SLC13A4: variants seen among roughly 807,000 people sequenced by gnomAD.
SLC13A4 encodes Na(+)/sulfate cotransporter SUT-1.
In SLC13A4, 28 loss-of-function variants were observed where a neutral mutation model predicts 72.7. The observed-to-expected ratio is 0.39, with a 90% CI of 0.29 to 0.53. SLC13A4 has a LOEUF of 0.53. SLC13A4 is among the 20% of genes least tolerant of loss of function. The probability of loss-of-function intolerance (pLI) is 0.78; values close to 1 mark genes in which losing one functional copy is unlikely to be tolerated. For synonymous variants in SLC13A4, 312 were observed against 325.5 expected (o/e 0.96, Z 0.45); for missense variants, 653 against 788.0 (o/e 0.83, Z 2.05).
At chr7:135,685,747 G>A (rs947332300) in intron 13 of SLC13A4, 64 bp from the exon 14 acceptor site, 1 of 1,460,168 alleles carries the variant, frequency 6.8e-7, no homozygotes, top group Non-Finnish European at 9.5e-7. Flanking sequence ...AGAGATCTTA[G>A]ACTTCAGAAG....
At chr7:135,712,099 C>T (rs1331246836) in intron 2 of SLC13A4, among the ~76,000 whole-genome samples, 12 of 145,976 alleles carry the variant, frequency 8.2e-5, no homozygotes, top group African/African-American at 2.8e-4. Flanking sequence ...GCTGGGATTA[C>T]AGGCATGAAC....
intron 7 of SLC13A4, among the ~76,000 whole-genome samples, chr7:135,701,360 A>G (rs1296815885): frequency 6.6e-6 from 1 of 152,214 alleles, no homozygotes; most frequent in Non-Finnish European, 1.5e-5. Context: ...GTGCCTTACA[A>G]TCTTAGGATA....
intron 13 of SLC13A4, among the ~76,000 whole-genome samples, chr7:135,686,621 G>A (rs904348807): frequency 4.6e-5 from 7 of 152,152 alleles, no homozygotes; most frequent in African/African-American, 7.2e-5. Flanking sequence ...ATTCTCCCAC[G>A]TTGGTCTCCC....
At chr7:135,704,157 G>A (rs141987525) in intron 5 of SLC13A4, 13 of 152,456 alleles carry the variant, frequency 8.5e-5, no homozygotes, top group African/African-American at 2.9e-4. Context: ...CTTTTCCTGG[G>A]TCACCTGGGA....
intron 2 of SLC13A4, among the ~76,000 whole-genome samples, chr7:135,709,985 A>G (rs1796262133): frequency 1.3e-5 from 2 of 152,230 alleles, no homozygotes; most frequent in African/African-American, 2.4e-5. Context: ...CACCTAGTAG[A>G]ATAATATGCA....
rs764175510 is a variant in SLC13A4, at chr7:135,708,224, G to A, written c.255C>T (p.Thr85=). ...AGATGACCCCCACCAGCAGCAGCGT[G>A]GTGTTCTTGAAGTACTCCGCCGCCA... ...NEVAAEYFKN[T]TLLLVGVICV... Residue 85 remains threonine (T), a synonymous_variant, in exon 3 of 16, where the codon ACC becomes ACT. Coordinates refer to ENST00000682651, the MANE Select transcript of SLC13A4 (RefSeq NM_001318192.2). The A allele has an allele frequency of 8.7e-6, 14 of 1,614,116 alleles. No individual in the cohort carries two copies. In the African/African-American group the frequency reaches 1.3e-4, roughly 15 times the overall value.
intron 2 of SLC13A4, among the ~76,000 whole-genome samples, chr7:135,711,962 G>GGTTTTTT (rs1563167348): frequency 1.7e-5 from 1 of 59,628 alleles, no homozygotes; most frequent in African/African-American, 5.8e-5. Context: ...AATGTTTTTG[G>GGTTTTTT]ATTTTTTTTT....
intron 15 of SLC13A4, among the ~76,000 whole-genome samples, chr7:135,683,144 C>T (rs1584712141): frequency 1.3e-5 from 2 of 151,588 alleles, no homozygotes; most frequent in Middle Eastern, 6.8e-3. Context: ...ACTAAAAATA[C>T]AAAAATTAGC....
chr7:135,720,237 C>T lies in SLC13A4; in HGVS notation c.228+1158G>A, dbSNP rs567503190. Among the ~76,000 whole-genome samples, 144 of 152,218 alleles carry T rather than the reference C, an allele frequency of 9.5e-4. 4 individuals are homozygous for T. The highest frequency in any genetic ancestry group is 1.9e-4 in the Non-Finnish European group (13 of 68,020). On this transcript the variant is annotated intron_variant, in intron 2 of 15. Coordinates refer to ENST00000682651, the MANE Select transcript of SLC13A4 (RefSeq NM_001318192.2). ...CATAGTGCCATGAAGCCACATACCA[C>T]TTTATGGAGTCTTTTTCTTATGGTG... is the stretch of plus-strand genomic sequence containing the variant.
chr7:135,708,720 A>G (rs1325048914), intron 2 of SLC13A4, among the ~76,000 whole-genome samples: 1 of 152,068 alleles, frequency 6.6e-6, no homozygotes, highest in East Asian at 1.9e-4. Flanking sequence ...CAGTATGGAA[A>G]ACTTCAAAAT....
At chr7:135,726,568 CGG>C (rs1563174698) in intron 1 of SLC13A4, among the ~76,000 whole-genome samples, 24 of 92,526 alleles carry the variant, frequency 2.6e-4, no homozygotes, top group Admixed American at 1.8e-3. Flanking sequence ...AAGAGAACAG[CGG>C]AGGGAAGGGA....
chr7:135,724,661 GAAGT>G (rs1253043072), intron 1 of SLC13A4, among the ~76,000 whole-genome samples: 2 of 152,140 alleles, frequency 1.3e-5, no homozygotes, highest in Non-Finnish European at 2.9e-5. Flanking sequence ...GTTACTGGAA[GAAGT>G]AAGTCATCAG....
intron 5 of SLC13A4, chr7:135,704,825 C>T (rs575714598): frequency 6.6e-6 from 1 of 152,210 alleles, no homozygotes; most frequent in Non-Finnish European, 1.5e-5. Flanking sequence ...AAGCGATTTC[C>T]TGATGGCACC....
At chr7:135,703,831 C>T (rs1388115086) in intron 5 of SLC13A4, 3 of 152,256 alleles carry the variant, frequency 2.0e-5, no homozygotes, top group Non-Finnish European at 4.4e-5. Context: ...GGGAAGTGTT[C>T]TTTGGAGTGA....
intron 5 of SLC13A4, 150 bp downstream of exon 5, chr7:135,705,446 G>T: frequency 3.1e-6 from 2 of 644,028 alleles, no homozygotes; most frequent in South Asian, 3.8e-5. Flanking sequence ...GGAAATGGGG[G>T]AGGTTGGGCG....
In SLC13A4 at chr7:135,727,529, C is replaced by A. The variant is rs1407396568; in HGVS notation, c.-33G>T. Reference sequence around the variant, plus strand: ...CTGTCCTCTCCAGCTCGTCCTTGGACCCCGCTCTGCCGGCGAAAGGCTTCC... The same window carrying A: ...CTGTCCTCTCCAGCTCGTCCTTGGAACCCGCTCTGCCGGCGAAAGGCTTCC... On this transcript the variant is annotated 5_prime_UTR_variant, in exon 1 of 16. Transcript: ENST00000682651. 2 of 1,529,634 alleles carry A rather than the reference C, an allele frequency of 1.3e-6. No individual in the cohort carries two copies. The highest frequency in any genetic ancestry group is 8.8e-7 in the Non-Finnish European group (1 of 1,132,480). 94.8% of individuals were successfully genotyped at this position (1,529,634 alleles called of 1,614,324 possible). A position where few individuals can be genotyped will look rare whatever the true frequency, so the allele number is the denominator to read the frequency against.
At chr7:135,712,379 G>A (rs1796323317) in intron 2 of SLC13A4, among the ~76,000 whole-genome samples, 3 of 150,952 alleles carry the variant, frequency 2.0e-5, no homozygotes, top group African/African-American at 7.3e-5. Context: ...GTGGGGAAGA[G>A]GGAGGACTCT....
chr7:135,715,163 G>A (rs551329293), intron 2 of SLC13A4, among the ~76,000 whole-genome samples: 7 of 151,548 alleles, frequency 4.6e-5, no homozygotes, highest in Admixed American at 3.3e-4. Context: ...GTGTGTGAGA[G>A]TATATATGTG....
chr7:135,687,549 G>A (rs933797749), intron 13 of SLC13A4, among the ~76,000 whole-genome samples: 1 of 152,170 alleles, frequency 6.6e-6, no homozygotes, highest in Non-Finnish European at 1.5e-5. Context: ...TCACCTTGTA[G>A]AACTTTTCTT....
Sources: allele counts gnomAD v4.1 joint callset (sites outside exome capture counted in the v4.1 genomes callset), GRCh38; gene constraint gnomAD v4.1.1; transcripts MANE v1.5; gene names NCBI Gene and HGNC (gene_info 2026-07-23, HGNC 2026-07-21).